Variants in ZFC3H1 observed in about 807,000 individuals in gnomAD.
ZFC3H1 encodes the protein zinc finger C3H1-type containing.
Under a neutral mutation model 243.7 loss-of-function variants are expected in ZFC3H1, and 71 were observed. The observed-to-expected ratio is 0.29, with a 90% CI of 0.24 to 0.36. The LOEUF (loss-of-function observed/expected upper bound fraction) is 0.36. Ranked by LOEUF, ZFC3H1 falls within the 10% of genes least tolerant of loss-of-function variation. The pLI is 1.00. For synonymous variants in ZFC3H1, 838 were observed against 813.0 expected (o/e 1.03, Z -0.52); for missense variants, 1,966 against 2,317.1 (o/e 0.85, Z 3.11).
At position 71,644,173 on chromosome 12, in the gene ZFC3H1, A is replaced by G; in HGVS notation, c.1425T>C (p.Ile475=). The change falls in exon 5 of 35, where the codon ATT becomes ATC. Residue 475 remains isoleucine, a synonymous_variant. Coordinates refer to ENST00000378743, the MANE Select transcript of ZFC3H1 (RefSeq NM_144982.5). ...GTTCTTCCTGATTTGAGAGATCTCG[A>G]ATTTTTCTGATTTCTTCCTCTCTTT... is the stretch of plus-strand genomic sequence containing the variant. ...RRKREEEIRK[I]RDLSNQEEQY... 6.2e-7 allele frequency: 1 copy of G among 1,613,690 alleles called. No individual in the cohort carries two copies. The highest frequency in any genetic ancestry group is 8.5e-7 in the Non-Finnish European group (1 of 1,179,838).
chr12:71,629,561 AC>A, intron 19 of ZFC3H1, 47 bp downstream of exon 19: 1 of 928,310 alleles, frequency 1.1e-6, no homozygotes, highest in Non-Finnish European at 1.7e-6. Flanking sequence ...TACAGTACAC[AC>A]ACACACACAC....
chr12:71,620,363 G>GA, intron 24 of ZFC3H1, 48 bp from the exon 25 acceptor site: 2 of 1,587,964 alleles, frequency 1.3e-6, no homozygotes, highest in Non-Finnish European at 1.7e-6. Flanking sequence ...TCATAAAAAT[G>GA]AAATATTTGA....
intron 24 of ZFC3H1, among the ~76,000 whole-genome samples, chr12:71,621,795 T>C (rs893197192): frequency 6.6e-6 from 1 of 151,972 alleles, no homozygotes; most frequent in Non-Finnish European, 1.5e-5. Context: ...TCCCTGACAT[T>C]TAATCTTCAA....
chr12:71,656,640 C>G (rs1862690169), intron 2 of ZFC3H1: 1 of 590,154 alleles, frequency 1.7e-6, no homozygotes, highest in Non-Finnish European at 2.9e-6. Context: ...AAGGTGTCCA[C>G]TATTATCACT....
intron 34 of ZFC3H1, 65 bp from the exon 35 acceptor site, chr12:71,610,630 G>C: frequency 6.2e-7 from 1 of 1,612,070 alleles, no homozygotes; most frequent in Non-Finnish European, 8.5e-7. Context: ...CACATCAATG[G>C]ATATGGCACA....
chr12:71,651,060 T>C (rs193156450), intron 2 of ZFC3H1, among the ~76,000 whole-genome samples: 2 of 152,168 alleles, frequency 1.3e-5, no homozygotes, highest in Non-Finnish European at 2.9e-5. Flanking sequence ...TGTAGCAGAA[T>C]CAACAGAAGG....
In ZFC3H1 at chr12:71,634,292, C is replaced by A; in HGVS notation, c.2373G>T (p.Gln791His). The A allele has an allele frequency of 6.2e-7, 1 of 1,612,684 alleles. No homozygotes were observed. Among genetic ancestry groups the A allele is most frequent in the Admixed American group, 1.7e-5 (1 of 59,628 alleles). The stretch of plus-strand genomic sequence containing the variant: ...TCAGCTGATCTGATTTAATCAAACG[C>A]TGTTTCTCACGGCTAAAATTATCAA... ...LKEEIANREKQRLIKSDQLKT... is the reference protein window; with the variant it reads ...LKEEIANREKHRLIKSDQLKT... The change falls in exon 12 of 35, where the codon CAG becomes CAT. Residue 791 changes from glutamine to histidine, a missense_variant. Around this residue, in one of 4 missense-constraint regions of ZFC3H1, gnomAD observed 1,383 missense variants for 1,723.7 expected, o/e 0.80. Transcript: ENST00000378743.
At position 71,610,405 on chromosome 12, in the gene ZFC3H1, T is replaced by C; in HGVS notation, c.*23A>G. The C allele has an allele frequency of 6.2e-7, 1 of 1,609,660 alleles. No individual in the cohort carries two copies. The highest frequency in any genetic ancestry group is 1.1e-5 in the South Asian group (1 of 90,482). On this transcript the variant is annotated 3_prime_UTR_variant, in exon 35 of 35. Transcript: ENST00000378743. ...TAATTTTGGCAATTATTATAAGGACTTAGAACTGACTGCACCCAGTGTTCA... is the reference window on the plus strand; with the variant it reads ...TAATTTTGGCAATTATTATAAGGACCTAGAACTGACTGCACCCAGTGTTCA...
At chr12:71,641,257 TTG>T (rs1880595884) in intron 6 of ZFC3H1, among the ~76,000 whole-genome samples, 1 of 152,196 alleles carries the variant, frequency 6.6e-6, no homozygotes, top group Non-Finnish European at 1.5e-5. Flanking sequence ...GCAAGTTAAA[TTG>T]TGTTATCAAA....
chr12:71,656,635 G>A, intron 2 of ZFC3H1: 2 of 595,646 alleles, frequency 3.4e-6, no homozygotes, highest in South Asian at 4.4e-5. Flanking sequence ...AAACAAAGGT[G>A]TCCACTATTA....
chr12:71,629,494 A>T, intron 19 of ZFC3H1, 115 bp downstream of exon 19: 5 of 696,504 alleles, frequency 7.2e-6, no homozygotes, highest in Admixed American at 5.4e-5. Flanking sequence ...CATTAAGAAC[A>T]TAATACCAAC....
chr12:71,615,403 T>A, intron 27 of ZFC3H1, 87 bp from the exon 28 acceptor site: 1 of 836,978 alleles, frequency 1.2e-6, no homozygotes, highest in African/African-American at 1.7e-5. Flanking sequence ...TTAGTTTCAC[T>A]TAAATTTCAT....
At chr12:71,655,856 A>G (rs773728962) in intron 2 of ZFC3H1, among the ~76,000 whole-genome samples, 2 of 152,206 alleles carry the variant, frequency 1.3e-5, no homozygotes, top group Non-Finnish European at 2.9e-5. Flanking sequence ...CACATAAAAA[A>G]TTCTAAACAA....
chr12:71,658,351 C>T (rs537257144), intron 1 of ZFC3H1, among the ~76,000 whole-genome samples: 1,326 of 131,582 alleles, frequency 0.01, 8 homozygotes, highest in Middle Eastern at 0.043. Flanking sequence ...TGCAGTGGTG[C>T]GATCTCGGCT....
intron 2 of ZFC3H1, among the ~76,000 whole-genome samples, chr12:71,655,902 T>C (rs1241237199): frequency 1.3e-5 from 2 of 152,002 alleles, no homozygotes; most frequent in African/African-American, 2.4e-5. Context: ...TAGCCGAAAG[T>C]TGGAAAAACC....
Position 71,642,500 on chromosome 12 carries a change from GCCTCCT to G in ZFC3H1, c.1557_1562del (p.Gly520_Gly521del). The stretch of plus-strand genomic sequence containing the variant: ...CTTCATAGTTATCATACTGATAAAT[GCCTCCT>G]CCACTATCAGTAGGTTGCTTATCTA... On this transcript the variant is annotated inframe_deletion, in exon 6 of 35. Transcript: ENST00000378743. 3 of 1,613,524 alleles carry G rather than the reference GCCTCCT, an allele frequency of 1.9e-6. No individual in the cohort carries two copies. Among genetic ancestry groups the G allele is most frequent in the Non-Finnish European group, 2.5e-6 (3 of 1,179,754 alleles).
rs766653358 is a variant in ZFC3H1 at position 71,630,700 on chromosome 12, T to C, written c.3624A>G (p.Thr1208=). The C allele has an allele frequency of 1.1e-4, 177 of 1,611,660 alleles. No homozygotes were observed. The East Asian group carries it at 3.9e-3, about 35-fold the overall frequency. The change falls in exon 18 of 35, where the codon ACA becomes ACG. Residue 1208 remains threonine (T), a synonymous_variant. Transcript: ENST00000378743. ...CCTGGAATAACTGTTTTCGGCTAAGTGTATAGTCTTGTATATGCTGCCTAA... is the reference window on the plus strand; with the variant it reads ...CCTGGAATAACTGTTTTCGGCTAAGCGTATAGTCTTGTATATGCTGCCTAA... ...DCQWQHIQDY[T]LSRKQLFQDI... is the part of the protein sequence containing the mutation.
chr12:71,636,466 G>A, intron 9 of ZFC3H1, 24 bp downstream of exon 9: 4 of 1,586,474 alleles, frequency 2.5e-6, no homozygotes, highest in South Asian at 1.2e-5. Flanking sequence ...TTGAATAAAA[G>A]TAGCATTAAA....
chr12:71,656,066 T>C (rs1359565367), intron 2 of ZFC3H1, among the ~76,000 whole-genome samples: 1 of 152,110 alleles, frequency 6.6e-6, no homozygotes, highest in Non-Finnish European at 1.5e-5. Flanking sequence ...TAGTGTGACA[T>C]TCTGGAAAAG....
Sources: gnomAD v4.1 joint callset for allele counts (sites outside exome capture counted in the v4.1 genomes callset) on GRCh38, gnomAD v4.1.1 for gene constraint, gnomAD v4.1.1 regional missense constraint, MANE v1.5 for transcripts, NCBI Gene and HGNC (gene_info 2026-07-23, HGNC 2026-07-21) for gene names.